RABGAP1L: variants seen among roughly 807,000 people sequenced by gnomAD.
RABGAP1L encodes the protein rab GTPase-activating protein 1-like.
Under a neutral mutation model 137.7 loss-of-function variants are expected in RABGAP1L, and 63 were observed. The observed-to-expected ratio is 0.46, with a 90% CI of 0.37 to 0.56. The LOEUF (loss-of-function observed/expected upper bound fraction) is 0.56, where lower values mean the gene tolerates loss of function less well. Among genes scored for constraint, RABGAP1L ranks in the 20% least tolerant of loss-of-function variants. RABGAP1L has a pLI of 0.00. For synonymous variants in RABGAP1L, 431 were observed against 433.7 expected, an observed-to-expected ratio of 0.99 and a Z score of 0.08; for missense variants, 1,095 against 1,244.0, an observed-to-expected ratio of 0.88 and a Z score of 1.80.
At chr1:174,814,753 G>A (rs1690213556) in intron 19 of RABGAP1L, among the ~76,000 whole-genome samples, 1 of 151,274 alleles carries the variant, frequency 6.6e-6, no homozygotes, top group African/African-American at 2.4e-5. Flanking sequence ...GGAGTGCAGT[G>A]GCACAATCTC....
intron 13 of RABGAP1L, among the ~76,000 whole-genome samples, chr1:174,612,189 G>A (rs937224178): frequency 1.9e-4 from 29 of 152,042 alleles, no homozygotes; most frequent in Non-Finnish European, 3.2e-4. Flanking sequence ...ATTGGCTGTG[G>A]GTCTGTCATA....
At chr1:174,333,685 T>G (rs1381364391) in intron 11 of RABGAP1L, among the ~76,000 whole-genome samples, 1 of 152,232 alleles carries the variant, frequency 6.6e-6, no homozygotes, top group Non-Finnish European at 1.5e-5. Flanking sequence ...CTGCTCCCAC[T>G]ACGCCCATTT....
intron 13 of RABGAP1L, among the ~76,000 whole-genome samples, chr1:174,422,497 C>T (rs1651437157): frequency 6.6e-6 from 1 of 151,830 alleles, no homozygotes. Context: ...AGGTTATTTC[C>T]ATATACTTTC....
chr1:174,780,771 C>T (rs1686938744), intron 18 of RABGAP1L, among the ~76,000 whole-genome samples: 2 of 128,076 alleles, frequency 1.6e-5, no homozygotes, highest in Non-Finnish European at 3.1e-5. Context: ...CTTCTTGTGT[C>T]CAAGTGTTCT....
chr1:174,431,359 A>G (rs1652606037), intron 13 of RABGAP1L, among the ~76,000 whole-genome samples: 1 of 152,200 alleles, frequency 6.6e-6, no homozygotes, highest in East Asian at 1.9e-4. Flanking sequence ...TAAAGCAGGA[A>G]AAGATCGTGA....
chr1:174,170,513 A>G (rs956658194), intron 1 of RABGAP1L, among the ~76,000 whole-genome samples: 2 of 151,978 alleles, frequency 1.3e-5, no homozygotes, highest in Non-Finnish European at 2.9e-5. Flanking sequence ...CATCTCTACT[A>G]AAAATACAAA....
intron 18 of RABGAP1L, among the ~76,000 whole-genome samples, chr1:174,783,457 G>A (rs905638870): frequency 3.3e-5 from 5 of 152,026 alleles, no homozygotes; most frequent in Admixed American, 6.6e-5. Context: ...CCCGCCGCCC[G>A]TAACAGTATG....
chr1:174,820,113 A>G (rs942961686), intron 19 of RABGAP1L, among the ~76,000 whole-genome samples: 1 of 152,226 alleles, frequency 6.6e-6, no homozygotes, highest in Non-Finnish European at 1.5e-5. Flanking sequence ...GTTGTAGACT[A>G]TGAGTTCATA....
chr1:174,305,773 A>G (rs1678168510), intron 11 of RABGAP1L, among the ~76,000 whole-genome samples: 1 of 151,410 alleles, frequency 6.6e-6, no homozygotes, highest in African/African-American at 2.4e-5. Flanking sequence ...ATATATATAT[A>G]TATTTTTAAT....
At chr1:174,746,502 A>C (rs953343952) in intron 17 of RABGAP1L, among the ~76,000 whole-genome samples, 1 of 152,214 alleles carries the variant, frequency 6.6e-6, no homozygotes, top group African/African-American at 2.4e-5. Context: ...GAAACAAATA[A>C]TAGAATTTAG....
intron 8 of RABGAP1L, among the ~76,000 whole-genome samples, 181 bp downstream of exon 8, chr1:174,272,661 A>G (rs901986509): frequency 7.9e-5 from 12 of 152,162 alleles, no homozygotes; most frequent in South Asian, 2.1e-4. Context: ...ATTCAGGACA[A>G]TTTCCACCAA....
chr1:174,565,614 G>C (rs972989163), intron 13 of RABGAP1L, among the ~76,000 whole-genome samples: 1 of 152,036 alleles, frequency 6.6e-6, no homozygotes, highest in Non-Finnish European at 1.5e-5. Flanking sequence ...GGTTTTCACT[G>C]TCTGGACTTG....
chr1:174,796,969 T>G (rs1052751380), intron 18 of RABGAP1L, among the ~76,000 whole-genome samples: 1 of 151,366 alleles, frequency 6.6e-6, no homozygotes, highest in African/African-American at 2.4e-5. Flanking sequence ...ATCACGCCAC[T>G]GCATTCCAGC....
chr1:174,918,162 C>T (rs1661189471), intron 19 of RABGAP1L, among the ~76,000 whole-genome samples: 1 of 152,032 alleles, frequency 6.6e-6, no homozygotes. Flanking sequence ...AATCCCAGGA[C>T]TGGATGCAAA....
At chr1:174,441,712 C>T (rs1654172984) in intron 13 of RABGAP1L, among the ~76,000 whole-genome samples, 1 of 151,810 alleles carries the variant, frequency 6.6e-6, no homozygotes, top group African/African-American at 2.4e-5. Context: ...CCTGCCTGGT[C>T]AACAAGATCG....
At chr1:174,733,342 G>A (rs533219474) in intron 17 of RABGAP1L, among the ~76,000 whole-genome samples, 4 of 152,256 alleles carry the variant, frequency 2.6e-5, no homozygotes, top group South Asian at 2.1e-4. Flanking sequence ...ATGCACTTTC[G>A]TGGTCCCATC....
chr1:174,733,545 G>A (rs1682685775), intron 17 of RABGAP1L, among the ~76,000 whole-genome samples: 1 of 152,198 alleles, frequency 6.6e-6, no homozygotes, highest in Admixed American at 6.5e-5. Context: ...TACCCAAGAA[G>A]TACTGATCTT....
intron 11 of RABGAP1L, among the ~76,000 whole-genome samples, chr1:174,329,695 T>TA (rs1474613578): frequency 6.6e-6 from 1 of 152,184 alleles, no homozygotes; most frequent in East Asian, 1.9e-4. Context: ...GTAAATGTGA[T>TA]ACATCACATT....
intron 13 of RABGAP1L, among the ~76,000 whole-genome samples, chr1:174,624,239 A>C (rs1672770532): frequency 6.6e-6 from 1 of 152,214 alleles, no homozygotes; most frequent in African/African-American, 2.4e-5. Flanking sequence ...AGCCCAGCCC[A>C]GGCCCCATCT....
Sources: allele counts gnomAD v4.1 joint callset (sites outside exome capture counted in the v4.1 genomes callset), GRCh38; gene constraint gnomAD v4.1.1; transcripts MANE v1.5; gene names NCBI Gene and HGNC (gene_info 2026-07-23, HGNC 2026-07-21).